AHRR: variants seen among roughly 807,000 people sequenced by gnomAD.
AHRR encodes aryl hydrocarbon receptor repressor, also known as ahR repressor.
Under a neutral mutation model 44.0 loss-of-function variants are expected in AHRR, and 28 were observed. The ratio of observed to expected loss-of-function variants is 0.64; its 90% CI spans 0.47 to 0.87. AHRR has a LOEUF of 0.87. Among genes scored for constraint, AHRR ranks in the 40% least tolerant of loss-of-function variants. AHRR has a pLI of 0.00. For missense variants in AHRR, 990 were observed against 953.9 expected (o/e 1.04, Z -0.50); for synonymous variants, 434 against 407.0 (o/e 1.07, Z -0.80).
intron 8 of AHRR, among the ~76,000 whole-genome samples, chr5:431,032 T>C (rs1006873578): frequency 1.3e-5 from 2 of 152,192 alleles, no homozygotes; most frequent in Non-Finnish European, 2.9e-5. Context: ...CCTGGAACAC[T>C]GTCCTCCGCT....
chr5:400,021 C>T (rs1338325355), intron 4 of AHRR, among the ~76,000 whole-genome samples: 2 of 152,210 alleles, frequency 1.3e-5, no homozygotes. Context: ...CTCCAGGAGG[C>T]CGGGCCAGCT....
At chr5:377,260 C>T (rs945061037) in intron 4 of AHRR, among the ~76,000 whole-genome samples, 1 of 152,200 alleles carries the variant, frequency 6.6e-6, no homozygotes. Flanking sequence ...CCTGTTACCC[C>T]TCTGGGAGAG....
chr5:415,929 C>T (rs1735788193), intron 5 of AHRR, among the ~76,000 whole-genome samples: 1 of 152,232 alleles, frequency 6.6e-6, no homozygotes, highest in Non-Finnish European at 1.5e-5. Context: ...AAAAAAACTC[C>T]TCTAGTCCGC....
intron 3 of AHRR, among the ~76,000 whole-genome samples, chr5:361,493 C>T (rs566935438): frequency 6.6e-6 from 1 of 152,254 alleles, no homozygotes; most frequent in African/African-American, 2.4e-5. Context: ...TCAGAGGTAA[C>T]CAGGTGCCAC....
At chr5:420,922 G>GCC (rs1736074582) in intron 5 of AHRR, 6 of 317,858 alleles carry the variant, frequency 1.9e-5, no homozygotes, top group African/African-American at 4.9e-5. Context: ...ATCCAGGCAC[G>GCC]CACACGCAGC....
chr5:423,054 C>T (rs56182240), intron 6 of AHRR, among the ~76,000 whole-genome samples, 196 bp downstream of exon 6: 40,201 of 152,062 alleles, frequency 0.26, 6,931 homozygotes, highest in Non-Finnish European at 0.39. Context: ...GCCACAGCTC[C>T]GTGTGGCTCG....
chr5:422,778 G>T lies in AHRR; in HGVS notation c.491G>T (p.Arg164Leu). ...NIYDYIHVDD[R>L]QDFCRQLHWA... is the part of the protein sequence containing the mutation. ...TATGACTACATCCACGTGGACGACC[G>T]CCAGGACTTCTGCCGGCAGCTCCAC... Residue 164 changes from arginine to leucine, a missense_variant, in exon 6 of 11, where the codon CGC becomes CTC. Arg to Leu is a moderately radical substitution (Grantham distance 102). Transcript: ENST00000684583. 1 of 1,614,104 alleles carries T rather than the reference G, an allele frequency of 6.2e-7. No homozygotes were observed. The highest frequency in any genetic ancestry group is 8.5e-7 in the Non-Finnish European group (1 of 1,180,030).
In AHRR at chr5:434,267, C is replaced by T; in HGVS notation, c.1527C>T (p.Asp509=). Residue 509 remains aspartate, a synonymous_variant, in exon 11 of 11, where the codon GAC becomes GAT. Coordinates refer to ENST00000684583, the MANE Select transcript of AHRR (RefSeq NM_001377236.1). ...CCACGAGGGGCTATCCCATGGAGGA[C>T]ATGAAGCTGCAAGGTGTACCGATGC... ...RFATRGYPME[D]MKLQGVPMPP... 6.2e-7 allele frequency: 1 copy of T among 1,603,554 alleles called. No homozygotes were observed.
intron 3 of AHRR, among the ~76,000 whole-genome samples, chr5:372,689 C>T (rs906048843): frequency 6.6e-5 from 10 of 152,190 alleles, no homozygotes; most frequent in African/African-American, 1.7e-4. Context: ...CCGCCTCCCC[C>T]GCCCCTACCA....
intron 3 of AHRR, among the ~76,000 whole-genome samples, chr5:360,846 T>C (rs751845559): frequency 6.6e-6 from 1 of 152,200 alleles, no homozygotes; most frequent in Non-Finnish European, 1.5e-5. Context: ...TGCTTCTCCT[T>C]ACTGCTTATA....
At chr5:394,659 G>A (rs752320031) in intron 4 of AHRR, among the ~76,000 whole-genome samples, 1 of 151,394 alleles carries the variant, frequency 6.6e-6, no homozygotes, top group Non-Finnish European at 1.5e-5. Context: ...CTGGAACCCT[G>A]CTTGTCTTCG....
rs1178614968 is a variant in AHRR at position 337,253 on chromosome 5, T to C, written c.-10-6640T>C. 6.8e-6 allele frequency among the ~76,000 whole-genome samples: 1 copy of C among 146,484 alleles called. No individual in the cohort carries two copies. Among genetic ancestry groups the C allele is most frequent in the African/African-American group, 2.8e-5 (1 of 35,886 alleles). On this transcript the variant is annotated intron_variant, in intron 1 of 10. Transcript: ENST00000684583. The surrounding 1 kb of genome is among the most constrained non-coding windows in gnomAD (Gnocchi z 4.1). ...CCTGCCAACCCCAGCCCACTTAGAC[T>C]CCACTGTCCTCCCCACTTTATAGAG...
Position 343,901 on chromosome 5 carries a change from C to T in AHRR, c.-2C>T, listed in dbSNP as rs968837977. 1.9e-6 allele frequency: 3 copies of T among 1,599,554 alleles called. No individual in the cohort carries two copies. Among genetic ancestry groups the T allele is most frequent in the South Asian group, 1.1e-5 (1 of 90,190 alleles). ...GCCCCCTTGTCTTCCAGGCCGAGGA[C>T]GATGATCCCGCCGGGGGAGTGCACG... On this transcript the variant is annotated 5_prime_UTR_variant, in exon 2 of 11. In the 5' UTR this introduces an upstream ATG that the reference lacks. Coordinates refer to ENST00000684583, the MANE Select transcript of AHRR (RefSeq NM_001377236.1).
rs555307157 is a variant in AHRR at position 336,553 on chromosome 5, G to A, written c.-10-7340G>A. On this transcript the variant is annotated intron_variant, in intron 1 of 10. Transcript: ENST00000684583. ...TATGCTGGACACTAGACCCTTATCA[G>A]ATAACATGATTTGTAAATGTTTATT... 3.9e-5 allele frequency among the ~76,000 whole-genome samples: 6 copies of A among 152,338 alleles called. No homozygotes were observed. The East Asian group carries it at 7.7e-4, about 20-fold the overall frequency.
At chr5:392,727 T>C (rs1734524868) in intron 4 of AHRR, among the ~76,000 whole-genome samples, 2 of 152,142 alleles carry the variant, frequency 1.3e-5, no homozygotes, top group Admixed American at 1.3e-4. Flanking sequence ...GAGGCTTGCA[T>C]GCTGTGTGAC....
At chr5:329,685 A>C (rs1579583879) in intron 1 of AHRR, among the ~76,000 whole-genome samples, 1 of 151,942 alleles carries the variant, frequency 6.6e-6, no homozygotes. Context: ...GTGTTTTGTA[A>C]TTTTCCTTGT....
At chr5:378,295 A>C (rs974084318) in intron 4 of AHRR, among the ~76,000 whole-genome samples, 3 of 152,204 alleles carry the variant, frequency 2.0e-5, no homozygotes, top group African/African-American at 7.2e-5. Context: ...TAAATCCATA[A>C]ACCGCCTTGA....
Position 370,356 on chromosome 5 carries a change from C to T in AHRR, c.245-6254C>T, listed in dbSNP as rs184998321. On this transcript the variant is annotated intron_variant, in intron 3 of 10. Coordinates refer to ENST00000684583, the MANE Select transcript of AHRR (RefSeq NM_001377236.1). The surrounding 1 kb of genome is among the most constrained non-coding windows in gnomAD (Gnocchi z 4.5). ...ACAGTCAGGTCAGGCAATTCTGGGG[C>T]GAGCAGGCGTCGGGGAAGGGTTGGA... Among the ~76,000 whole-genome samples the T allele has an allele frequency of 7.2e-5, 11 of 152,280 alleles. 1 individual carries two copies. The East Asian group carries it at 1.4e-3, about 19-fold the overall frequency.
chr5:393,284 ATCCCGATG>A (rs1383134723), intron 4 of AHRR, among the ~76,000 whole-genome samples: 1 of 152,188 alleles, frequency 6.6e-6, no homozygotes, highest in Non-Finnish European at 1.5e-5. Context: ...CTGAAGCTTA[ATCCCGATG>A]TCACAGATTC....
Sources: gnomAD v4.1 joint callset for allele counts (sites outside exome capture counted in the v4.1 genomes callset) on GRCh38, gnomAD v4.1.1 for gene constraint, Gnocchi (gnomAD v3.1) non-coding constraint, MANE v1.5 for transcripts, NCBI Gene and HGNC (gene_info 2026-07-23, HGNC 2026-07-21) for gene names.